The following BBC3 variants were observed in gnomAD, a reference collection of about 807,000 sequenced individuals.
BBC3 encodes bcl-2-binding component 3.
BBC3 carries 5 observed loss-of-function variants against 18.2 expected under a neutral mutation model. The ratio of observed to expected loss-of-function variants is 0.27; its 90% CI spans 0.14 to 0.58. BBC3 has a LOEUF of 0.58. BBC3 is among the 20% of genes least tolerant of loss of function. The probability of loss-of-function intolerance (pLI) is 0.91; values close to 1 mark genes in which losing one functional copy is unlikely to be tolerated. For missense variants in BBC3, 224 were observed against 268.9 expected (o/e 0.83, Z 1.17); for synonymous variants, 119 against 128.0 (o/e 0.93, Z 0.47).
At chr19:47,223,726 A>T (rs2058778088) in intron 3 of BBC3, among the ~76,000 whole-genome samples, 1 of 152,028 alleles carries the variant, frequency 6.6e-6, no homozygotes, top group Non-Finnish European at 1.5e-5. Flanking sequence ...AATGATCCTC[A>T]TCGTCCTCAT....
At chr19:47,229,528 A>ACACACCTAGCGCACC (rs2058883746) in intron 1 of BBC3, among the ~76,000 whole-genome samples, 1 of 151,800 alleles carries the variant, frequency 6.6e-6, no homozygotes, top group Non-Finnish European at 1.5e-5. Flanking sequence ...CCAGCAGCAC[A>ACACACCTAGCGCACC]CACACCTAGC....
At position 47,230,583 on chromosome 19, in the gene BBC3, C is replaced by G. The variant is rs905243492; in HGVS notation, c.-16+346G>C. ...GGGTGTGGCCGCCCCTCCGTGCCGC[C>G]CCCCCGCCCCTCCCGGACTTTGGGG... On this transcript the variant is annotated intron_variant, in intron 1 of 3. Transcript: ENST00000439096. This position sits in a 1 kb window ranked among gnomAD's most constrained non-coding sequence, Gnocchi z 6.7. Among the ~76,000 whole-genome samples the G allele has an allele frequency of 6.6e-6, 1 of 151,604 alleles. No individual in the cohort carries two copies. Among genetic ancestry groups the G allele is most frequent in the Non-Finnish European group, 1.5e-5 (1 of 67,860 alleles).
chr19:47,224,058 G>A (rs1450639794), intron 3 of BBC3, among the ~76,000 whole-genome samples: 1 of 152,192 alleles, frequency 6.6e-6, no homozygotes, highest in Non-Finnish European at 1.5e-5. Flanking sequence ...ACTTTGGGAG[G>A]CCGAGGTGGG....
intron 3 of BBC3, among the ~76,000 whole-genome samples, chr19:47,225,899 G>GT (rs2058810794): frequency 6.6e-6 from 1 of 152,194 alleles, no homozygotes; most frequent in Non-Finnish European, 1.5e-5. Context: ...GATGGGGAGA[G>GT]TAAGGAGCTT....
chr19:47,227,375 C>T (rs1178310832), intron 2 of BBC3, among the ~76,000 whole-genome samples: 2 of 143,976 alleles, frequency 1.4e-5, no homozygotes, highest in African/African-American at 5.1e-5. Context: ...CCACCAGGTC[C>T]TGGCCTGAGG....
At position 47,221,882 on chromosome 19, in the gene BBC3, A is replaced by G; in HGVS notation, c.502T>C (p.Trp168Arg). 6.2e-7 allele frequency: 1 copy of G among 1,611,082 alleles called. No individual in the cohort carries two copies. The highest frequency in any genetic ancestry group is 8.5e-7 in the Non-Finnish European group (1 of 1,178,926). ...ATGATGAGATTGTACAGGACCCTCCAGGGTGAGGGGCGGTGCCGCTGCTGC... is the reference window on the plus strand; with the variant it reads ...ATGATGAGATTGTACAGGACCCTCCGGGGTGAGGGGCGGTGCCGCTGCTGC... ...EEQQRHRPSP[W>R]RVLYNLIMGL... is the part of the protein sequence containing the mutation. The change falls in exon 4 of 4, where the codon TGG becomes CGG. Residue 168 changes from tryptophan (W) to arginine (R), a missense_variant. Transcript: ENST00000439096.
chr19:47,222,999 G>A (rs1311756197), intron 3 of BBC3, among the ~76,000 whole-genome samples: 5 of 150,368 alleles, frequency 3.3e-5, no homozygotes, highest in Admixed American at 2.0e-4. Context: ...GGCCGGGTGC[G>A]GTGGCTCACG....
At chr19:47,222,982 A>T (rs2058769082) in intron 3 of BBC3, among the ~76,000 whole-genome samples, 1 of 148,220 alleles carries the variant, frequency 6.7e-6, no homozygotes, top group Non-Finnish European at 1.5e-5. Context: ...AAAAAAAAAA[A>T]AATACAGGCC....
upstream of BBC3, chr19:47,231,268 C>A (rs1245428404): frequency 1.1e-6 from 1 of 897,502 alleles, no homozygotes; most frequent in Non-Finnish European, 1.3e-6. The surrounding 1 kb of genome is among the most constrained non-coding windows in gnomAD (Gnocchi z 4.0). Flanking sequence ...CCCCGCCCGG[C>A]GGGTCCCACG....
chr19:47,227,167 G>C (rs1217958264), intron 2 of BBC3: 3 of 157,788 alleles, frequency 1.9e-5, no homozygotes, highest in African/African-American at 7.2e-5. Context: ...CAGATCACAA[G>C]CCTCAGGTCT....
At chr19:47,222,215 A>G in intron 3 of BBC3, 2 of 305,254 alleles carry the variant, frequency 6.6e-6, no homozygotes, top group Non-Finnish European at 1.2e-5. Context: ...ACATCCCCCA[A>G]GGGGCTGAAG....
Position 47,228,596 on chromosome 19 carries a change from CG to C in BBC3, c.-15-151del. 1 of 806,776 alleles carries C rather than the reference CG, an allele frequency of 1.2e-6. No homozygotes were observed. 50.0% of individuals were successfully genotyped at this position (806,776 alleles called of 1,614,324 possible). A position where few individuals can be genotyped will look rare whatever the true frequency, so the allele number is the denominator to read the frequency against. On this transcript the variant is annotated intron_variant, in intron 1 of 3. Coordinates refer to ENST00000439096, the MANE Select transcript of BBC3 (RefSeq NM_014417.5). The surrounding 1 kb of genome is among the most constrained non-coding windows in gnomAD (Gnocchi z 5.5). ...ACGGCCCCACAGAGACACGCCCAGC[CG>C]GGGGATGACACCACCGGGTCCTGGC...
In BBC3 at chr19:47,228,128, T is replaced by G; in HGVS notation, c.274+30A>C. 8.2e-7 allele frequency: 1 copy of G among 1,224,018 alleles called. No individual in the cohort carries two copies. The highest frequency in any genetic ancestry group is 1.0e-6 in the Non-Finnish European group (1 of 981,602). 75.8% of individuals were successfully genotyped at this position (1,224,018 alleles called of 1,614,324 possible). On this transcript the variant is annotated intron_variant, in intron 2 of 3. Coordinates refer to ENST00000439096, the MANE Select transcript of BBC3 (RefSeq NM_014417.5). This position sits in a 1 kb window ranked among gnomAD's most constrained non-coding sequence, Gnocchi z 5.5. ...TCCAGCCCTCTCTCTTCCCGGCTCCTATCACCCCGGGGGCGGGGCGGGCAC... is the reference window on the plus strand; with the variant it reads ...TCCAGCCCTCTCTCTTCCCGGCTCCGATCACCCCGGGGGCGGGGCGGGCAC...
At chr19:47,229,178 AAC>A (rs370280810) in intron 1 of BBC3, among the ~76,000 whole-genome samples, 1 of 151,482 alleles carries the variant, frequency 6.6e-6, no homozygotes, top group Admixed American at 6.6e-5. Context: ...TGCAAACACA[AAC>A]ACACACACAC....
intron 2 of BBC3, among the ~76,000 whole-genome samples, chr19:47,227,361 C>G (rs924773560): frequency 2.0e-5 from 3 of 150,682 alleles, no homozygotes; most frequent in Non-Finnish European, 4.4e-5. Context: ...CCTGCCCTCC[C>G]GTCCCACCAG....
upstream of BBC3, chr19:47,231,236 G>GCCCCGCCCCGCCCCGCCCCGC: frequency 2.1e-6 from 2 of 945,368 alleles, no homozygotes; most frequent in Non-Finnish European, 2.5e-6. This position sits in a 1 kb window ranked among gnomAD's most constrained non-coding sequence, Gnocchi z 4.0. Flanking sequence ...CTCCAAAGCC[G>GCCCCGCCCCGCCCCGCCCCGC]CCCCGCCCCG....
chr19:47,223,188 G>A (rs1032463398), intron 3 of BBC3, among the ~76,000 whole-genome samples: 4 of 151,126 alleles, frequency 2.6e-5, no homozygotes, highest in African/African-American at 7.3e-5. Flanking sequence ...GGAGAATGGC[G>A]TGAACCCGGT....
upstream of BBC3, chr19:47,232,470 G>C (rs1336524131): frequency 6.7e-7 from 1 of 1,492,014 alleles, no homozygotes; most frequent in South Asian, 1.2e-5. Context: ...TTGCTAACTG[G>C]CCCACTGCAC....
rs993355925 is a variant in BBC3, at chr19:47,230,403, C to A, written c.-16+526G>T. 6.6e-5 allele frequency among the ~76,000 whole-genome samples: 10 copies of A among 151,266 alleles called. No homozygotes were observed. The highest frequency in any genetic ancestry group is 1.3e-4 in the Non-Finnish European group (9 of 67,366). On this transcript the variant is annotated intron_variant, in intron 1 of 3. Transcript: ENST00000439096. The surrounding 1 kb of genome is among the most constrained non-coding windows in gnomAD (Gnocchi z 6.7). ...GACACCCCCCTCCGCTGTCACAGCC[C>A]CCCCCACCGCCGCCACGTGCGCCCG...
Sources: allele counts gnomAD v4.1 joint callset (sites outside exome capture counted in the v4.1 genomes callset), GRCh38; gene constraint gnomAD v4.1.1; non-coding constraint Gnocchi (gnomAD v3.1); transcripts MANE v1.5; gene names NCBI Gene and HGNC (gene_info 2026-07-23, HGNC 2026-07-21).